KIF26B: variants seen among roughly 807,000 people sequenced by gnomAD.
The protein encoded by KIF26B is kinesin family member 26B.
A neutral mutation model predicts 151.2 loss-of-function variants in KIF26B; 63 were observed. That is an observed-to-expected ratio of 0.42 (90% confidence interval 0.34 to 0.51). The LOEUF is 0.51. Ranked by LOEUF, KIF26B falls within the 20% of genes least tolerant of loss-of-function variation. The probability of loss-of-function intolerance (pLI) is 0.07; values close to 1 mark genes in which losing one functional copy is unlikely to be tolerated. For synonymous variants in KIF26B, 1,357 were observed against 1,262.1 expected (o/e 1.08, Z -1.59); for missense variants, 2,813 against 2,913.6 (o/e 0.97, Z 0.79).
chr1:245,316,208 G>A (rs911841661), intron 2 of KIF26B, among the ~76,000 whole-genome samples: 3 of 151,192 alleles, frequency 2.0e-5, no homozygotes, highest in Non-Finnish European at 4.4e-5. Flanking sequence ...GTGAACCTCC[G>A]CCTCCCAGGT....
chr1:245,374,301 G>T (rs762314291), intron 3 of KIF26B, among the ~76,000 whole-genome samples: 4 of 150,252 alleles, frequency 2.7e-5, no homozygotes, highest in Non-Finnish European at 5.9e-5. Context: ...GGAAGGTGAG[G>T]CTCTGGGAGG....
intron 4 of KIF26B, among the ~76,000 whole-genome samples, chr1:245,521,971 G>A (rs961813789): frequency 7.3e-5 from 11 of 151,346 alleles, no homozygotes; most frequent in African/African-American, 2.2e-4. Flanking sequence ...CCGTGTTCAC[G>A]CCATTCTCCT....
intron 2 of KIF26B, among the ~76,000 whole-genome samples, chr1:245,267,226 C>G (rs1256056033): frequency 6.6e-6 from 1 of 152,220 alleles, no homozygotes; most frequent in Non-Finnish European, 1.5e-5. Context: ...GCCATCTTCT[C>G]TACTAAGAAA....
intron 6 of KIF26B, among the ~76,000 whole-genome samples, chr1:245,603,139 C>T (rs947104): frequency 0.34 from 51,018 of 149,282 alleles, 9,191 homozygotes; most frequent in East Asian, 0.44. Context: ...GGGCATTGTA[C>T]GAAGGGAAAA....
chr1:245,653,883 G>A (rs1237795827), intron 10 of KIF26B, among the ~76,000 whole-genome samples: 1 of 133,666 alleles, frequency 7.5e-6, no homozygotes, highest in Admixed American at 7.9e-5. Context: ...AACATAAGGA[G>A]ACCTCGTCTC....
chr1:245,238,284 C>T (rs189202816), intron 2 of KIF26B, among the ~76,000 whole-genome samples: 48 of 151,906 alleles, frequency 3.2e-4, no homozygotes, highest in African/African-American at 1.1e-3. Context: ...TGCAGTGAGC[C>T]GAGATCGCAC....
At chr1:245,585,087 C>A (rs975628100) in intron 5 of KIF26B, among the ~76,000 whole-genome samples, 6 of 152,072 alleles carry the variant, frequency 3.9e-5, no homozygotes, top group Non-Finnish European at 8.8e-5. Flanking sequence ...AAGTGTGGTC[C>A]CCAGACCAGC....
chr1:245,552,046 CTGTCATAGG>C (rs111390508), intron 5 of KIF26B, among the ~76,000 whole-genome samples: 63,526 of 150,674 alleles, frequency 0.42, 13,708 homozygotes, highest in African/African-American at 0.49. Flanking sequence ...CGGTGCCCAA[CTGTCATAGG>C]TGTCATAGGT....
chr1:245,310,789 G>T (rs1475847541), intron 2 of KIF26B, among the ~76,000 whole-genome samples: 1 of 152,182 alleles, frequency 6.6e-6, no homozygotes, highest in Admixed American at 6.5e-5. Context: ...CTGCAGAAGC[G>T]GCTGTGATGT....
At position 245,275,098 on chromosome 1, in the gene KIF26B, TC is replaced by T. The variant is rs1402118816; in HGVS notation, c.466-91735del. On this transcript the variant is annotated intron_variant, in intron 2 of 14. Transcript: ENST00000407071. The stretch of plus-strand genomic sequence containing the variant: ...CTGACCAGTGATGATGAGCTTTTTT[TC>T]ATATGTTTGTTGGCCACATAAATGT... Among the ~76,000 whole-genome samples the T allele has an allele frequency of 2.0e-5, 3 of 152,154 alleles. No individual in the cohort carries two copies. In the East Asian group the frequency reaches 5.8e-4, roughly 29 times the overall value.
At position 245,521,304 on chromosome 1, in the gene KIF26B, T is replaced by G. The variant is rs113268360; in HGVS notation, c.1167-19463T>G. 6.1e-3 allele frequency among the ~76,000 whole-genome samples: 913 copies of G among 149,528 alleles called. 13 individuals are homozygous for G. The highest frequency in any genetic ancestry group is 0.022 in the African/African-American group (880 of 40,418). On this transcript the variant is annotated intron_variant, in intron 4 of 14. Coordinates refer to ENST00000407071, the MANE Select transcript of KIF26B (RefSeq NM_018012.4). ...GTGAGCCGAGATCGCACCACTGCAC[T>G]CCATCCAGCCTGAGTGACAGAGCGA...
intron 4 of KIF26B, among the ~76,000 whole-genome samples, chr1:245,502,049 G>C (rs981863331): frequency 6.6e-6 from 1 of 152,230 alleles, no homozygotes; most frequent in Admixed American, 6.5e-5. Context: ...TAGGTGGACA[G>C]ATAACTAGAT....
chr1:245,258,075 T>G (rs1394152351), intron 2 of KIF26B, among the ~76,000 whole-genome samples: 1 of 151,694 alleles, frequency 6.6e-6, no homozygotes, highest in Non-Finnish European at 1.5e-5. Context: ...TCTCCGGTGG[T>G]GAGTTGAGAG....
intron 7 of KIF26B, among the ~76,000 whole-genome samples, 160 bp downstream of exon 7, chr1:245,607,904 T>C (rs1258447160): frequency 2.6e-5 from 4 of 152,202 alleles, no homozygotes; most frequent in South Asian, 2.1e-4. Context: ...CGAAAACCTA[T>C]GTTGTTCATT....
At position 245,563,296 on chromosome 1, in the gene KIF26B, C is replaced by T. The variant is rs544485806; in HGVS notation, c.1350+22346C>T. ...CATTTCCCTTATTCACTAAACAACC[C>T]GTTTCCACCCATTTCTCTTGTTCCT... On this transcript the variant is annotated intron_variant, in intron 5 of 14. Transcript: ENST00000407071. This position sits in a 1 kb window ranked among gnomAD's most constrained non-coding sequence, Gnocchi z 4.6. Among the ~76,000 whole-genome samples the T allele has an allele frequency of 2.0e-5, 3 of 152,236 alleles. No individual in the cohort carries two copies. Among genetic ancestry groups the T allele is most frequent in the South Asian group, 4.2e-4 (2 of 4,812 alleles).
intron 5 of KIF26B, among the ~76,000 whole-genome samples, chr1:245,566,006 C>T (rs190677374): frequency 6.6e-6 from 1 of 152,182 alleles, no homozygotes; most frequent in African/African-American, 2.4e-5. Context: ...TTAAAACAAC[C>T]ATTTCTCACA....
intron 5 of KIF26B, among the ~76,000 whole-genome samples, chr1:245,581,964 A>AAGGAAGGAAGGAAG (rs61645005): frequency 0.024 from 1,456 of 60,752 alleles, 41 homozygotes; most frequent in African/African-American, 0.074. Context: ...AAGGAAGGAA[A>AAGGAAGGAAGGAAG]TAAATAAGCA....
rs1356606087 is a variant in KIF26B at position 245,375,372 on chromosome 1, C to T, written c.999+8005C>T. 6.6e-6 allele frequency among the ~76,000 whole-genome samples: 1 copy of T among 152,104 alleles called. No individual in the cohort carries two copies. Among genetic ancestry groups the T allele is most frequent in the African/African-American group, 2.4e-5 (1 of 41,420 alleles). On this transcript the variant is annotated intron_variant, in intron 3 of 14. Coordinates refer to ENST00000407071, the MANE Select transcript of KIF26B (RefSeq NM_018012.4). This position sits in a 1 kb window ranked among gnomAD's most constrained non-coding sequence, Gnocchi z 4.2. ...GATTACAGGTATGAACCACCACATC[C>T]GGCCAAGGAGATCATTTTAGACTAT...
intron 4 of KIF26B, among the ~76,000 whole-genome samples, chr1:245,444,825 C>T (rs1558168493): frequency 6.6e-6 from 1 of 152,182 alleles, no homozygotes; most frequent in Non-Finnish European, 1.5e-5. Flanking sequence ...CCATCTGAAA[C>T]CATGCTGTGA....
Sources: allele counts gnomAD v4.1 joint callset (sites outside exome capture counted in the v4.1 genomes callset), GRCh38; gene constraint gnomAD v4.1.1; non-coding constraint Gnocchi (gnomAD v3.1); transcripts MANE v1.5; gene names NCBI Gene and HGNC (gene_info 2026-07-23, HGNC 2026-07-21).